Variants in RNF144B observed in about 807,000 individuals in gnomAD.
RNF144B encodes ring finger protein 144B, also known as E3 ubiquitin-protein ligase RNF144B.
In RNF144B, 25 loss-of-function variants were observed where a neutral mutation model predicts 40.2. The observed-to-expected ratio is 0.62, with a 90% CI of 0.45 to 0.87. The LOEUF is 0.87. Ranked by LOEUF, RNF144B falls within the 40% of genes least tolerant of loss-of-function variation. The pLI, the probability that RNF144B is intolerant of heterozygous loss-of-function variation, is 0.00. For synonymous variants in RNF144B, 145 were observed against 136.3 expected, an observed-to-expected ratio of 1.06 and a Z score of -0.44; for missense variants, 365 against 373.7, an observed-to-expected ratio of 0.98 and a Z score of 0.19.
intron 3 of RNF144B, among the ~76,000 whole-genome samples, chr6:18,428,222 T>C (rs1299875859): frequency 1.3e-5 from 2 of 152,188 alleles, no homozygotes; most frequent in African/African-American, 4.8e-5. Context: ...TTGTAAGTTT[T>C]CTGAGACCTT....
rs1794736984 is a variant in RNF144B at position 18,398,654 on chromosome 6, A to C, written c.-36-845A>C. 6.6e-6 allele frequency among the ~76,000 whole-genome samples: 1 copy of C among 152,168 alleles called. No individual in the cohort carries two copies. Among genetic ancestry groups the C allele is most frequent in the African/African-American group, 2.4e-5 (1 of 41,450 alleles). ...AGCAATCCACCTGCCTCGGCCTCCC[A>C]CAGTGCTGGGATTACAGGCATGAGC... On this transcript the variant is annotated intron_variant, in intron 1 of 7. Transcript: ENST00000259939. The surrounding 1 kb of genome is among the most constrained non-coding windows in gnomAD (Gnocchi z 5.0).
intron 2 of RNF144B, among the ~76,000 whole-genome samples, chr6:18,404,306 T>G (rs747414693): frequency 7.2e-5 from 11 of 152,208 alleles, no homozygotes; most frequent in Non-Finnish European, 1.3e-4. Context: ...AATGCAGATA[T>G]GGAGATAAGA....
At position 18,457,155 on chromosome 6, in the gene RNF144B, A is replaced by G; in HGVS notation, c.332A>G (p.Glu111Gly). ...CACATTTTCTTTCTTTACACTTTAG[A>G]AGTTCATCTGGACCCCTACCGAACA... ...QLYQRLKFEREVHLDPYRTWC... is the reference protein window; with the variant it reads ...QLYQRLKFERGVHLDPYRTWC... The change falls in exon 5 of 8, where the codon GAA becomes GGA. Residue 111 changes from glutamate (E) to glycine (G), a missense_variant and splice_region_variant. Glu to Gly is a moderately conservative substitution (Grantham distance 98, BLOSUM62 -2). Transcript: ENST00000259939. This position sits in a 1 kb window ranked among gnomAD's most constrained non-coding sequence, Gnocchi z 5.1. 1 of 1,611,328 alleles carries G rather than the reference A, an allele frequency of 6.2e-7. No individual in the cohort carries two copies. Among genetic ancestry groups the G allele is most frequent in the Non-Finnish European group, 8.5e-7 (1 of 1,178,050 alleles).
intron 1 of RNF144B, among the ~76,000 whole-genome samples, chr6:18,397,168 A>T (rs1794709121): frequency 6.6e-6 from 1 of 152,240 alleles, no homozygotes; most frequent in African/African-American, 2.4e-5. Context: ...AAGAAAGTGG[A>T]TGTGGACAGA....
Position 18,419,318 on chromosome 6 carries a change from G to A in RNF144B, c.166-8263G>A, listed in dbSNP as rs77300247. On this transcript the variant is annotated intron_variant, in intron 2 of 7. Transcript: ENST00000259939. The surrounding 1 kb of genome is among the most constrained non-coding windows in gnomAD (Gnocchi z 4.6). The stretch of plus-strand genomic sequence containing the variant: ...ATACCAGGCTTAGATCATTTTCTTC[G>A]GGGGCACTGCTCTCTGCTAGGGAAC... Among the ~76,000 whole-genome samples, 3,371 of 152,050 alleles carry A rather than the reference G, an allele frequency of 0.022. 125 individuals are homozygous for A. Among genetic ancestry groups the A allele is most frequent in the African/African-American group, 0.078 (3,217 of 41,426 alleles).
chr6:18,445,514 C>T (rs1759062711), intron 4 of RNF144B, among the ~76,000 whole-genome samples: 1 of 152,162 alleles, frequency 6.6e-6, no homozygotes, highest in Admixed American at 6.5e-5. Flanking sequence ...CTCAAGATCA[C>T]ATAGCTGTGG....
Position 18,405,349 on chromosome 6 carries a change from G to T in RNF144B, c.165+5650G>T, listed in dbSNP as rs1258333070. 1.3e-5 allele frequency among the ~76,000 whole-genome samples: 2 copies of T among 151,594 alleles called. No individual in the cohort carries two copies. Among genetic ancestry groups the T allele is most frequent in the African/African-American group, 2.4e-5 (1 of 41,294 alleles). On this transcript the variant is annotated intron_variant, in intron 2 of 7. Coordinates refer to ENST00000259939, the MANE Select transcript of RNF144B (RefSeq NM_182757.4). The surrounding 1 kb of genome is among the most constrained non-coding windows in gnomAD (Gnocchi z 4.5). The stretch of plus-strand genomic sequence containing the variant: ...CCACCAGGCCTGACTAATTTTTTTT[G>T]TATTTTTAGTTGAGTTGGGGTTTCA...
chr6:18,421,559 A>G (rs1380605118), intron 2 of RNF144B, among the ~76,000 whole-genome samples: 1 of 152,050 alleles, frequency 6.6e-6, no homozygotes, highest in Non-Finnish European at 1.5e-5. Context: ...TGTGACAATG[A>G]TAGCACCCCT....
At chr6:18,428,783 G>A (rs989423451) in intron 3 of RNF144B, among the ~76,000 whole-genome samples, 2 of 152,098 alleles carry the variant, frequency 1.3e-5, no homozygotes, top group South Asian at 4.1e-4. Context: ...TTTCAGATAG[G>A]GAAACTGAGG....
intron 1 of RNF144B, among the ~76,000 whole-genome samples, chr6:18,397,560 A>G (rs1478995675): frequency 6.6e-6 from 1 of 152,246 alleles, no homozygotes; most frequent in Non-Finnish European, 1.5e-5. Context: ...GATTCAGAAT[A>G]AAAACAATCT....
chr6:18,417,651 A>G (rs1229668036), intron 2 of RNF144B, among the ~76,000 whole-genome samples: 1 of 152,150 alleles, frequency 6.6e-6, no homozygotes, highest in East Asian at 1.9e-4. Flanking sequence ...GAAAATAGAA[A>G]AATTTTCATG....
At position 18,427,694 on chromosome 6, in the gene RNF144B, G is replaced by T. The variant is rs1383772047; in HGVS notation, c.270+9G>T. ...CCCTGCAGGAAGCTGAGGTATGAAT[G>T]ACTACCATCATCTTCCCCTCTTTCC... On this transcript the variant is annotated intron_variant, in intron 3 of 7. Coordinates refer to ENST00000259939, the MANE Select transcript of RNF144B (RefSeq NM_182757.4). 1 of 1,512,226 alleles carries T rather than the reference G, an allele frequency of 6.6e-7. No individual in the cohort carries two copies. Among genetic ancestry groups the T allele is most frequent in the African/African-American group, 1.4e-5 (1 of 72,842 alleles). 93.7% of individuals were successfully genotyped at this position (1,512,226 alleles called of 1,614,324 possible).
Position 18,395,593 on chromosome 6 carries a change from A to G in RNF144B, c.-36-3906A>G, listed in dbSNP as rs62397742. Reference sequence around the variant, plus strand: ...GTTTGATATTCTTTTTTTTTTTTAAATGAAGTGCTCACTGCATTTCATTCA... The same window carrying G: ...GTTTGATATTCTTTTTTTTTTTTAAGTGAAGTGCTCACTGCATTTCATTCA... On this transcript the variant is annotated intron_variant, in intron 1 of 7. Transcript: ENST00000259939. This position sits in a 1 kb window ranked among gnomAD's most constrained non-coding sequence, Gnocchi z 4.5. Among the ~76,000 whole-genome samples, 1 of 151,572 alleles carries G rather than the reference A, an allele frequency of 6.6e-6. No homozygotes were observed. Among genetic ancestry groups the G allele is most frequent in the Non-Finnish European group, 1.5e-5 (1 of 67,948 alleles).
Position 18,410,190 on chromosome 6 carries a change from T to C in RNF144B, c.165+10491T>C, listed in dbSNP as rs558627294. ...ATTGTTGCCACTAAGTCACCAAAGT[T>C]TATGTATTTCTTCTTTTGAAGTTGC... On this transcript the variant is annotated intron_variant, in intron 2 of 7. Transcript: ENST00000259939. The surrounding 1 kb of genome is among the most constrained non-coding windows in gnomAD (Gnocchi z 4.6). 9.9e-5 allele frequency among the ~76,000 whole-genome samples: 15 copies of C among 152,280 alleles called. No individual in the cohort carries two copies. The highest frequency in any genetic ancestry group is 3.6e-4 in the African/African-American group (15 of 41,566).
At chr6:18,426,212 G>A (rs988753600) in intron 2 of RNF144B, among the ~76,000 whole-genome samples, 16 of 152,164 alleles carry the variant, frequency 1.1e-4, no homozygotes, top group Admixed American at 8.5e-4. Context: ...ATACATAAAT[G>A]TATAAATCTG....
intron 3 of RNF144B, among the ~76,000 whole-genome samples, chr6:18,431,629 A>G (rs531364980): frequency 1.3e-5 from 2 of 152,354 alleles, no homozygotes; most frequent in Admixed American, 6.5e-5. Context: ...GGTAACACAT[A>G]AATATACTTT....
chr6:18,446,619 C>T lies in RNF144B; in HGVS notation c.331+6875C>T, dbSNP rs185286774. Among the ~76,000 whole-genome samples the T allele has an allele frequency of 2.6e-5, 4 of 152,252 alleles. No individual in the cohort carries two copies. The East Asian group carries it at 5.8e-4, about 22-fold the overall frequency. On this transcript the variant is annotated intron_variant, in intron 4 of 7. Coordinates refer to ENST00000259939, the MANE Select transcript of RNF144B (RefSeq NM_182757.4). This position sits in a 1 kb window ranked among gnomAD's most constrained non-coding sequence, Gnocchi z 4.7. ...TATGTCTTATATTTCTGTTATGTCACTCCATTTAGTTACACAAATGCAACA... is the reference window on the plus strand; with the variant it reads ...TATGTCTTATATTTCTGTTATGTCATTCCATTTAGTTACACAAATGCAACA...
intron 2 of RNF144B, among the ~76,000 whole-genome samples, chr6:18,402,729 T>C (rs965503789): frequency 5.3e-5 from 8 of 152,230 alleles, no homozygotes; most frequent in African/African-American, 1.9e-4. Flanking sequence ...ATGTAGGTAA[T>C]TCTTGATTTA....
chr6:18,394,723 C>G (rs1371042567), intron 1 of RNF144B, among the ~76,000 whole-genome samples: 1 of 152,142 alleles, frequency 6.6e-6, no homozygotes, highest in Non-Finnish European at 1.5e-5. Flanking sequence ...ACATTCTGTG[C>G]TGAAGTATTC....
Sources: gnomAD v4.1 joint callset for allele counts (sites outside exome capture counted in the v4.1 genomes callset) on GRCh38, gnomAD v4.1.1 for gene constraint, Gnocchi (gnomAD v3.1) non-coding constraint, MANE v1.5 for transcripts, NCBI Gene and HGNC (gene_info 2026-07-23, HGNC 2026-07-21) for gene names.